Variants in SNTA1 observed in about 807,000 individuals in gnomAD.
SNTA1 encodes the protein alpha-1-syntrophin.
A neutral mutation model predicts 47.1 loss-of-function variants in SNTA1; 31 were observed. The observed-to-expected ratio is 0.66, with a 90% CI of 0.49 to 0.89. The LOEUF is 0.89. Among genes scored for constraint, SNTA1 ranks in the 40% least tolerant of loss-of-function variants. The probability of loss-of-function intolerance (pLI) is 0.00; values close to 1 mark genes in which losing one functional copy is unlikely to be tolerated. For missense variants in SNTA1, 575 were observed against 693.0 expected, an observed-to-expected ratio of 0.83 and a Z score of 1.91; for synonymous variants, 300 against 313.6, an observed-to-expected ratio of 0.96 and a Z score of 0.46.
chr20:33,422,225 G>A (rs1469221982), intron 2 of SNTA1, among the ~76,000 whole-genome samples: 1 of 151,794 alleles, frequency 6.6e-6, no homozygotes, highest in African/African-American at 2.4e-5. Flanking sequence ...TGGATCACGA[G>A]GTCAGGAGAT....
intron 2 of SNTA1, among the ~76,000 whole-genome samples, chr20:33,424,677 C>G (rs1361652734): frequency 1.3e-5 from 2 of 151,738 alleles, no homozygotes; most frequent in African/African-American, 4.8e-5. Context: ...TTATGCCTGG[C>G]TAATTTTTTT....
At position 33,410,293 on chromosome 20, in the gene SNTA1, T is replaced by C; in HGVS notation, c.1079A>G (p.Tyr360Cys). 4 of 1,610,806 alleles carry C rather than the reference T, an allele frequency of 2.5e-6. No homozygotes were observed. Among genetic ancestry groups the C allele is most frequent in the Non-Finnish European group, 3.4e-6 (4 of 1,179,200 alleles). ...HSGPSKGSVP[Y>C]DAELSFALRT... ...CAGGGCAAAAGAGAGCTCTGCATCG[T>C]AGGGCACTGAGCCCTTGGAGGGGCC... The change falls in exon 6 of 8, where the codon TAC becomes TGC. Residue 360 changes from tyrosine to cysteine, a missense_variant. By Grantham distance (194) the Tyr-to-Cys change is radical. Transcript: ENST00000217381.
At chr20:33,443,168 C>A in intron 1 of SNTA1, 143 bp downstream of exon 1, 1 of 521,536 alleles carries the variant, frequency 1.9e-6, no homozygotes, top group Non-Finnish European at 3.1e-6. Flanking sequence ...GTGCCCAGTG[C>A]CCTCCGTTAC....
chr20:33,411,280 G>T (rs943831741), intron 5 of SNTA1, among the ~76,000 whole-genome samples: 2 of 151,816 alleles, frequency 1.3e-5, no homozygotes, highest in East Asian at 3.9e-4. Flanking sequence ...ACACACTCTG[G>T]ACTTAACTCA....
intron 2 of SNTA1, among the ~76,000 whole-genome samples, chr20:33,429,089 T>C (rs939328173): frequency 1.3e-5 from 2 of 151,848 alleles, no homozygotes; most frequent in Non-Finnish European, 2.9e-5. Flanking sequence ...CTTATGCCTG[T>C]AATCCCAGGA....
rs1235854302 is a variant in SNTA1 at position 33,408,281 on chromosome 20, G to T, written c.*226C>A. 8.5e-6 allele frequency: 5 copies of T among 589,138 alleles called. No individual in the cohort carries two copies. The highest frequency in any genetic ancestry group is 1.5e-5 in the Non-Finnish European group (5 of 326,376). The allele number at this position is 589,138 out of a possible 1,614,324, so 36.5% of individuals were successfully genotyped here. A position where few individuals can be genotyped will look rare whatever the true frequency, so the allele number is the denominator to read the frequency against. On this transcript the variant is annotated 3_prime_UTR_variant, in exon 8 of 8. Transcript: ENST00000217381. ...TCTCTCTGCAAAAGGCACTGGTGGA[G>T]GGGGGCAGCAGGAAGGCCACCCCAT...
chr20:33,430,661 G>A (rs534760207), intron 2 of SNTA1, among the ~76,000 whole-genome samples: 4 of 151,730 alleles, frequency 2.6e-5, no homozygotes, highest in African/African-American at 9.7e-5. Context: ...AAGAAAATGA[G>A]TTTTCGCCGG....
intron 2 of SNTA1, among the ~76,000 whole-genome samples, chr20:33,433,062 T>C (rs907347165): frequency 6.6e-6 from 1 of 151,942 alleles, no homozygotes; most frequent in African/African-American, 2.4e-5. Context: ...CCTGAGTAGC[T>C]GGGATTACAG....
chr20:33,408,919 G>A lies in SNTA1; in HGVS notation c.1238-31C>T, dbSNP rs1245824818. On this transcript the variant is annotated intron_variant, in intron 6 of 7. Transcript: ENST00000217381. ...GGGAGGGCACATAGGTACAGGCACA[G>A]CTGGCACCTCAGAGACTACACCCCA... 2.5e-6 allele frequency: 4 copies of A among 1,601,790 alleles called. No individual in the cohort carries two copies. In the East Asian group the frequency reaches 6.7e-5, roughly 27 times the overall value.
intron 2 of SNTA1, among the ~76,000 whole-genome samples, chr20:33,421,590 C>A (rs1228552449): frequency 6.6e-6 from 1 of 151,378 alleles, no homozygotes; most frequent in African/African-American, 2.4e-5. Context: ...CCAGCCTGGG[C>A]AACAAGAGTG....
intron 2 of SNTA1, among the ~76,000 whole-genome samples, chr20:33,422,423 A>C (rs1038142645): frequency 1.2e-4 from 17 of 147,734 alleles, no homozygotes; most frequent in African/African-American, 4.1e-4. Context: ...TGGGCGACAG[A>C]GCAAGACTCT....
intron 1 of SNTA1, among the ~76,000 whole-genome samples, chr20:33,442,978 A>C (rs540432578): frequency 6.8e-6 from 1 of 147,494 alleles, no homozygotes; most frequent in African/African-American, 2.5e-5. Flanking sequence ...CTTTCTCCAC[A>C]CTCTGCTTTC....
At chr20:33,442,611 G>C (rs770587217) in intron 1 of SNTA1, among the ~76,000 whole-genome samples, 1 of 152,154 alleles carries the variant, frequency 6.6e-6, no homozygotes, top group Non-Finnish European at 1.5e-5. Flanking sequence ...TCAGAGGCGG[G>C]ACGGGACTTT....
intron 3 of SNTA1, among the ~76,000 whole-genome samples, chr20:33,413,215 G>T (rs990826234): frequency 3.3e-5 from 5 of 151,926 alleles, no homozygotes; most frequent in Admixed American, 6.6e-5. Flanking sequence ...GGATGGTCTC[G>T]ATCTCCTGAC....
chr20:33,439,806 G>A (rs970729948), intron 1 of SNTA1, among the ~76,000 whole-genome samples: 4 of 151,640 alleles, frequency 2.6e-5, no homozygotes, highest in East Asian at 3.9e-4. Flanking sequence ...CCAACATAGC[G>A]AAATCCTGCC....
chr20:33,418,949 A>C (rs1189964812), intron 2 of SNTA1, among the ~76,000 whole-genome samples: 1 of 151,842 alleles, frequency 6.6e-6, no homozygotes, highest in East Asian at 1.9e-4. Flanking sequence ...CCCTGTCTCT[A>C]CTAATAATAC....
intron 2 of SNTA1, among the ~76,000 whole-genome samples, chr20:33,432,784 C>A (rs1451769560): frequency 6.6e-6 from 1 of 152,106 alleles, no homozygotes; most frequent in Non-Finnish European, 1.5e-5. Flanking sequence ...TCGCTTGAGC[C>A]CAGGAGTTGA....
chr20:33,428,797 C>T (rs1282390595), intron 2 of SNTA1, among the ~76,000 whole-genome samples: 1 of 151,940 alleles, frequency 6.6e-6, no homozygotes, highest in African/African-American at 2.4e-5. Context: ...TTCCAGCAGT[C>T]TGGGAGGCCG....
chr20:33,430,357 C>T (rs1990275245), intron 2 of SNTA1, among the ~76,000 whole-genome samples: 1 of 145,002 alleles, frequency 6.9e-6, no homozygotes, highest in African/African-American at 2.6e-5. Context: ...GGCGTGATCT[C>T]AGCTCACTGC....
Sources: gnomAD v4.1 joint callset for allele counts (sites outside exome capture counted in the v4.1 genomes callset) on GRCh38, gnomAD v4.1.1 for gene constraint, MANE v1.5 for transcripts, NCBI Gene and HGNC (gene_info 2026-07-23, HGNC 2026-07-21) for gene names.